The following UBR4 variants were observed in gnomAD, a reference collection of about 807,000 sequenced individuals.
UBR4 encodes ubiquitin protein ligase E3 component n-recognin 4.
UBR4 carries 124 observed loss-of-function variants against 575.6 expected under a neutral mutation model. The observed-to-expected ratio is 0.22, with a 90% CI of 0.19 to 0.25. The LOEUF is 0.25. Ranked by LOEUF, UBR4 falls within the 10% of genes least tolerant of loss-of-function variation. UBR4 has a pLI of 1.00. For synonymous variants in UBR4, 2,455 were observed against 2,473.7 expected, an observed-to-expected ratio of 0.99 and a Z score of 0.22; for missense variants, 4,818 against 6,478.8, an observed-to-expected ratio of 0.74 and a Z score of 8.80.
rs756221991 is a variant in UBR4 at position 19,162,421 on chromosome 1, G to A, written c.4955C>T (p.Ser1652Leu). The change falls in exon 35 of 106, where the codon TCA becomes TTA. Residue 1652 changes from serine (S) to leucine (L), a missense_variant and splice_region_variant. Ser to Leu is a moderately radical substitution (Grantham distance 145, BLOSUM62 -2). This residue lies in a region of UBR4 where 18 missense variants were observed against 37.3 expected (regional missense o/e 0.48). Coordinates refer to ENST00000375254, the MANE Select transcript of UBR4 (RefSeq NM_020765.3). The stretch of plus-strand genomic sequence containing the variant: ...ACTTCGAGGTTACTTAGTACTTACT[G>A]AATCCTCAGCCTGGGAATCTTCCTC... Reference protein sequence around the residue: ...VEEEDSQAEDSDEDSLCNKLC... With the variant: ...VEEEDSQAEDLDEDSLCNKLC... 4 of 1,611,980 alleles carry A rather than the reference G, an allele frequency of 2.5e-6. No homozygotes were observed. The highest frequency in any genetic ancestry group is 1.3e-5 in the African/African-American group (1 of 74,854).
At chr1:19,170,656 C>T in intron 26 of UBR4, 106 bp downstream of exon 26, 1 of 1,476,756 alleles carries the variant, frequency 6.8e-7, no homozygotes, top group Non-Finnish European at 9.2e-7. Flanking sequence ...CACAAAAAGG[C>T]TCCAATAAAT....
chr1:19,137,862 A>T, intron 60 of UBR4, 145 bp downstream of exon 60: 1 of 887,244 alleles, frequency 1.1e-6, no homozygotes, highest in South Asian at 4.2e-5. Context: ...CTAAGACTTT[A>T]AACTGTTTCA....
At chr1:19,105,598 T>C (rs1052137148) in intron 84 of UBR4, 135 bp downstream of exon 84, 77 of 689,170 alleles carry the variant, frequency 1.1e-4, no homozygotes, top group Non-Finnish European at 2.6e-5. Context: ...GTCAGCTTTT[T>C]AACACTTTGT....
rs370454181 is a variant in UBR4, at chr1:19,110,064, C to G, written c.12105+32G>C. The G allele has an allele frequency of 6.2e-7, 1 of 1,613,002 alleles. No homozygotes were observed. Among genetic ancestry groups the G allele is most frequent in the South Asian group, 1.1e-5 (1 of 90,996 alleles). On this transcript the variant is annotated intron_variant, in intron 81 of 105. Transcript: ENST00000375254. This position sits in a 1 kb window ranked among gnomAD's most constrained non-coding sequence, Gnocchi z 4.5. ...GAATGAGGAGGGTGGCCGCCCTGCC[C>G]TTCCTTGTTAGACCCCTGCTTGGCC... is the stretch of plus-strand genomic sequence containing the variant.
At chr1:19,202,203 T>G (rs556819136) in intron 1 of UBR4, among the ~76,000 whole-genome samples, 3 of 152,130 alleles carry the variant, frequency 2.0e-5, no homozygotes, top group African/African-American at 7.2e-5. Flanking sequence ...AAAAAAAGAT[T>G]GGGAAGGTGA....
intron 11 of UBR4, among the ~76,000 whole-genome samples, chr1:19,190,041 C>T (rs1571659718): frequency 2.0e-5 from 3 of 151,852 alleles, no homozygotes; most frequent in Admixed American, 6.6e-5. Flanking sequence ...AATCCCAGCA[C>T]TTTGGGATGC....
intron 77 of UBR4, chr1:19,113,344 C>CA (rs1204297378): frequency 3.3e-6 from 1 of 305,856 alleles, no homozygotes; most frequent in Non-Finnish European, 6.1e-6. Context: ...CTACAGCCTG[C>CA]AAACACGGCG....
intron 43 of UBR4, 52 bp downstream of exon 43, chr1:19,155,389 T>G: frequency 2.6e-6 from 4 of 1,515,402 alleles, no homozygotes; most frequent in Non-Finnish European, 3.6e-6. Flanking sequence ...AATAGAGGAG[T>G]TGCTAAATAA....
chr1:19,125,206 G>A (rs1164041612), intron 64 of UBR4, among the ~76,000 whole-genome samples: 1 of 152,148 alleles, frequency 6.6e-6, no homozygotes, highest in Non-Finnish European at 1.5e-5. Flanking sequence ...TGAGGACAGT[G>A]GAAACAACAG....
rs769398969 is a variant in UBR4, at chr1:19,165,694, G to T, written c.4173C>A (p.Ser1391Arg). Reference protein sequence around the residue: ...LQYLEKQLESSQARKAMEEFF... With the variant: ...LQYLEKQLESRQARKAMEEFF... ...ACTCCTCCATAGCTTTACGAGCCTG[G>T]CTACTTTCCAGCTGCTTTTCCAAGT... is the stretch of plus-strand genomic sequence containing the variant. The change falls in exon 30 of 106, where the codon AGC becomes AGA. Residue 1391 changes from serine to arginine, a missense_variant. By Grantham distance (110) the Ser-to-Arg change is moderately radical. Coordinates refer to ENST00000375254, the MANE Select transcript of UBR4 (RefSeq NM_020765.3). The T allele has an allele frequency of 6.0e-5, 97 of 1,614,026 alleles. No individual in the cohort carries two copies. The highest frequency in any genetic ancestry group is 1.6e-4 in the Middle Eastern group (1 of 6,084).
chr1:19,092,669 C>T, intron 97 of UBR4, 150 bp downstream of exon 97: 1 of 577,340 alleles, frequency 1.7e-6, no homozygotes, highest in Non-Finnish European at 2.9e-6. Context: ...CAACTTACTT[C>T]TCTCAGCACA....
rs376010037 is a variant in UBR4 at position 19,122,865 on chromosome 1, A to T, written c.9784T>A (p.Ser3262Thr). The T allele has an allele frequency of 8.7e-6, 14 of 1,614,100 alleles. No individual in the cohort carries two copies. The highest frequency in any genetic ancestry group is 1.1e-5 in the Non-Finnish European group (13 of 1,180,048). Residue 3262 changes from serine (S) to threonine (T), a missense_variant, in exon 66 of 106, where the codon TCC (serine) becomes ACC (threonine). Ser to Thr is a moderately conservative substitution (Grantham distance 58). Around this residue, in one of 29 missense-constraint regions of UBR4, gnomAD observed 550 missense variants for 791.5 expected, o/e 0.69. Transcript: ENST00000375254. ...ATGAGTGTGTCATATTGCAAGGCGGAGCCTGAGCTGGCTGTAACCACACTT... is the reference window on the plus strand; with the variant it reads ...ATGAGTGTGTCATATTGCAAGGCGGTGCCTGAGCTGGCTGTAACCACACTT... The part of the protein sequence containing the change: ...RASVVTASSG[S>T]ALQYDTLISL...
rs758512553 is a variant in UBR4 at position 19,126,385 on chromosome 1, G to A, written c.9438+61C>T. 9.5e-5 allele frequency: 152 copies of A among 1,600,912 alleles called. 1 individual carries two copies. In the Middle Eastern group the frequency reaches 9.9e-4, roughly 10 times the overall value. On this transcript the variant is annotated intron_variant, in intron 64 of 105. Transcript: ENST00000375254. ...GCCCCTTGAGCTCTCTGCACCGCGAGGAAAGAGAAGAGTGCTCTGAACAAA... is the reference window on the plus strand; with the variant it reads ...GCCCCTTGAGCTCTCTGCACCGCGAAGAAAGAGAAGAGTGCTCTGAACAAA...
At chr1:19,201,675 T>A (rs1423514837) in intron 2 of UBR4, 43 bp downstream of exon 2, 6 of 1,547,898 alleles carry the variant, frequency 3.9e-6, no homozygotes, top group Non-Finnish European at 5.3e-6. Context: ...AATCCCCCTA[T>A]TCACAAGCCC....
In UBR4 at chr1:19,153,712, C is replaced by T. The variant is rs1355075332; in HGVS notation, c.6630+56G>A. ...TGGGAAAGTGAAATGAATATACAAACATAAAAAGAGACCAGGTTCACAGCA... is the reference window on the plus strand; with the variant it reads ...TGGGAAAGTGAAATGAATATACAAATATAAAAAGAGACCAGGTTCACAGCA... On this transcript the variant is annotated intron_variant, in intron 45 of 105. Transcript: ENST00000375254. This position sits in a 1 kb window ranked among gnomAD's most constrained non-coding sequence, Gnocchi z 4.1. 1.3e-6 allele frequency: 2 copies of T among 1,570,628 alleles called. No homozygotes were observed. Among genetic ancestry groups the T allele is most frequent in the Non-Finnish European group, 8.6e-7 (1 of 1,160,918 alleles).
intron 18 of UBR4, 33 bp from the exon 19 acceptor site, chr1:19,177,776 G>A: frequency 6.3e-7 from 1 of 1,595,014 alleles, no homozygotes; most frequent in South Asian, 1.1e-5. Context: ...ATATCTGGTG[G>A]GAAAAAGAGC....
chr1:19,174,226 A>C, intron 22 of UBR4, 93 bp downstream of exon 22: 1 of 1,497,304 alleles, frequency 6.7e-7, no homozygotes, highest in Non-Finnish European at 8.9e-7. Flanking sequence ...ATCAATATTC[A>C]ATAAACTGGT....
chr1:19,200,156 C>T (rs1321966264), intron 2 of UBR4, among the ~76,000 whole-genome samples: 1 of 152,138 alleles, frequency 6.6e-6, no homozygotes, highest in Non-Finnish European at 1.5e-5. Context: ...AGTTCATGCT[C>T]TTAACCACTA....
At position 19,145,936 on chromosome 1, in the gene UBR4, A is replaced by T. The variant is rs1224828667; in HGVS notation, c.7805-3T>A. 6.2e-7 allele frequency: 1 copy of T among 1,613,326 alleles called. No individual in the cohort carries two copies. Among genetic ancestry groups the T allele is most frequent in the Non-Finnish European group, 8.5e-7 (1 of 1,179,396 alleles). On this transcript the variant is annotated splice_region_variant and splice_polypyrimidine_tract_variant and intron_variant, in intron 52 of 105. Coordinates refer to ENST00000375254, the MANE Select transcript of UBR4 (RefSeq NM_020765.3). ...TTCCTTCCCTTCATCCATTCCTTCT[A>T]AGCAGGAGAAAGAAAATTATCAACG...
Sources: allele counts gnomAD v4.1 joint callset (sites outside exome capture counted in the v4.1 genomes callset), GRCh38; gene constraint gnomAD v4.1.1; regional missense constraint gnomAD v4.1.1; non-coding constraint Gnocchi (gnomAD v3.1); transcripts MANE v1.5; gene names NCBI Gene and HGNC (gene_info 2026-07-23, HGNC 2026-07-21).